The following SCAI variants were observed in gnomAD, a reference collection of about 807,000 sequenced individuals.
SCAI encodes protein SCAI.
In SCAI, 24 loss-of-function variants were observed where a neutral mutation model predicts 92.2. That is an observed-to-expected ratio of 0.26 (90% CI 0.19 to 0.37). SCAI has a LOEUF of 0.37. SCAI is among the 10% of genes least tolerant of loss of function. The probability of loss-of-function intolerance (pLI) is 1.00; values close to 1 mark genes in which losing one functional copy is unlikely to be tolerated. For missense variants in SCAI, 450 were observed against 736.2 expected, an observed-to-expected ratio of 0.61 and a Z score of 4.50; for synonymous variants, 261 against 258.6, an observed-to-expected ratio of 1.01 and a Z score of -0.09.
At chr9:125,132,838 G>A (rs534404122) in intron 2 of SCAI, among the ~76,000 whole-genome samples, 6 of 152,136 alleles carry the variant, frequency 3.9e-5, no homozygotes, top group Non-Finnish European at 7.4e-5. Flanking sequence ...GGTGGCACGC[G>A]CCTGTAATCC....
intron 3 of SCAI, among the ~76,000 whole-genome samples, chr9:125,040,164 G>A (rs917798915): frequency 1.3e-5 from 2 of 151,950 alleles, no homozygotes; most frequent in African/African-American, 4.8e-5. Context: ...AGACCAACCT[G>A]GGCAACATAG....
At chr9:125,072,056 G>A (rs1045391626) in intron 2 of SCAI, among the ~76,000 whole-genome samples, 4 of 147,060 alleles carry the variant, frequency 2.7e-5, no homozygotes, top group African/African-American at 1.0e-4. Context: ...AGACAGTCTT[G>A]CTCTGTCACC....
At chr9:125,118,050 ACTC>A (rs1490713689) in intron 2 of SCAI, among the ~76,000 whole-genome samples, 14 of 151,880 alleles carry the variant, frequency 9.2e-5, no homozygotes, top group African/African-American at 3.4e-4. Flanking sequence ...CCTCTCTTGG[ACTC>A]CTCCTTCCAT....
chr9:125,134,536 A>G (rs1189141829), intron 2 of SCAI, among the ~76,000 whole-genome samples: 1 of 152,234 alleles, frequency 6.6e-6, no homozygotes, highest in African/African-American at 2.4e-5. Context: ...GCTTTCATCA[A>G]TGTGAATCCT....
chr9:125,032,762 C>T (rs1233683824), intron 3 of SCAI, among the ~76,000 whole-genome samples: 1 of 151,516 alleles, frequency 6.6e-6, no homozygotes, highest in African/African-American at 2.4e-5. Flanking sequence ...TACAGGCGCC[C>T]GTCACCACGC....
intron 2 of SCAI, among the ~76,000 whole-genome samples, chr9:125,080,525 C>A (rs1263741269): frequency 6.6e-6 from 1 of 152,138 alleles, no homozygotes; most frequent in Non-Finnish European, 1.5e-5. Context: ...AAAAGAATCA[C>A]TAAAACAATT....
chr9:124,988,345 C>T (rs1359167951), intron 14 of SCAI, among the ~76,000 whole-genome samples: 1 of 151,886 alleles, frequency 6.6e-6, no homozygotes, highest in East Asian at 1.9e-4. Flanking sequence ...TTATGATACT[C>T]TCAGGGAAGT....
At chr9:125,108,593 CGGCAGCCGCCCCG>C (rs1834863258) in intron 2 of SCAI, among the ~76,000 whole-genome samples, 1 of 118,020 alleles carries the variant, frequency 8.5e-6, no homozygotes, top group African/African-American at 3.2e-5. Flanking sequence ...CCCCTCCGCC[CGGCAGCCGCCCCG>C]TCTGAGAAGT....
At chr9:125,031,470 C>T (rs1184891729) in intron 3 of SCAI, among the ~76,000 whole-genome samples, 2 of 151,062 alleles carry the variant, frequency 1.3e-5, no homozygotes, top group South Asian at 2.1e-4. Flanking sequence ...ACTGTGGTCT[C>T]GATCTCCTGA....
intron 14 of SCAI, among the ~76,000 whole-genome samples, chr9:124,985,930 AAAT>A (rs1226480013): frequency 6.6e-6 from 1 of 152,106 alleles, no homozygotes; most frequent in East Asian, 1.9e-4. Context: ...CACAGACAAC[AAAT>A]AATAAGTATG....
Position 125,048,222 on chromosome 9 carries a change from C to T in SCAI, c.230+7654G>A, listed in dbSNP as rs1833486290. On this transcript the variant is annotated intron_variant, in intron 3 of 17. Transcript: ENST00000336505. ...CAAATTCCTAACCTCAAGTGATCCA[C>T]ACACCTCAGCCTCCCAAAGTGCTGG... Among the ~76,000 whole-genome samples, 3 of 152,136 alleles carry T rather than the reference C, an allele frequency of 2.0e-5. No individual in the cohort carries two copies. In the South Asian group the frequency reaches 6.2e-4, roughly 32 times the overall value.
At chr9:124,954,113 T>C (rs1831277071) in intron 17 of SCAI, among the ~76,000 whole-genome samples, 1 of 152,218 alleles carries the variant, frequency 6.6e-6, no homozygotes, top group Admixed American at 6.5e-5. Context: ...AGTGCTGGGA[T>C]TACAGGCGTG....
intron 3 of SCAI, among the ~76,000 whole-genome samples, chr9:125,035,530 G>A (rs1022666852): frequency 2.6e-5 from 4 of 151,984 alleles, no homozygotes; most frequent in Non-Finnish European, 5.9e-5. Context: ...ACCACTAATT[G>A]TCTACACAAT....
chr9:125,122,901 T>G (rs990263029), intron 2 of SCAI, among the ~76,000 whole-genome samples: 9 of 152,276 alleles, frequency 5.9e-5, no homozygotes, highest in Non-Finnish European at 1.2e-4. Context: ...AGTGAGACCC[T>G]GTCTCAAAAA....
At chr9:125,082,594 G>A (rs1036885523) in intron 2 of SCAI, among the ~76,000 whole-genome samples, 2 of 152,216 alleles carry the variant, frequency 1.3e-5, no homozygotes, top group Admixed American at 1.3e-4. Flanking sequence ...GAAAGCAGCC[G>A]GGAGGGACAC....
At chr9:125,092,939 C>A (rs1354015500) in intron 2 of SCAI, among the ~76,000 whole-genome samples, 1 of 152,238 alleles carries the variant, frequency 6.6e-6, no homozygotes, top group Non-Finnish European at 1.5e-5. Flanking sequence ...CTGCTTGTCA[C>A]TACCAATGAG....
intron 2 of SCAI, among the ~76,000 whole-genome samples, chr9:125,101,231 G>A (rs374472097): frequency 1.3e-5 from 2 of 152,148 alleles, no homozygotes; most frequent in African/African-American, 2.4e-5. Context: ...CCAATGGAGC[G>A]TTTTGAACAA....
intron 2 of SCAI, among the ~76,000 whole-genome samples, chr9:125,132,277 C>T (rs1389215832): frequency 6.6e-6 from 1 of 152,182 alleles, no homozygotes; most frequent in African/African-American, 2.4e-5. Flanking sequence ...CCACGCCTGG[C>T]TAGTTTTTGT....
At chr9:125,121,082 A>G (rs1481339778) in intron 2 of SCAI, among the ~76,000 whole-genome samples, 1 of 151,998 alleles carries the variant, frequency 6.6e-6, no homozygotes, top group East Asian at 1.9e-4. Context: ...ATTTCAATGA[A>G]GGATAAGAAA....
Sources: allele counts gnomAD v4.1 joint callset (sites outside exome capture counted in the v4.1 genomes callset), GRCh38; gene constraint gnomAD v4.1.1; transcripts MANE v1.5; gene names NCBI Gene and HGNC (gene_info 2026-07-23, HGNC 2026-07-21).